The following OSBPL10 variants were observed in gnomAD, a reference collection of about 807,000 sequenced individuals.
The protein encoded by OSBPL10 is oxysterol binding protein like 10.
A neutral mutation model predicts 81.7 loss-of-function variants in OSBPL10; 49 were observed. That is an observed-to-expected ratio of 0.60 (90% CI 0.48 to 0.76). The LOEUF (loss-of-function observed/expected upper bound fraction) is 0.76, where lower values mean the gene tolerates loss of function less well. OSBPL10 is among the 30% of genes least tolerant of loss of function. The probability of loss-of-function intolerance (pLI) is 0.00; values close to 1 mark genes in which losing one functional copy is unlikely to be tolerated. For missense variants in OSBPL10, 923 were observed against 987.8 expected, an observed-to-expected ratio of 0.93 and a Z score of 0.88; for synonymous variants, 419 against 383.6, an observed-to-expected ratio of 1.09 and a Z score of -1.08.
At chr3:31,989,255 AC>A in intron 2 of OSBPL10, 1 of 1,614,142 alleles carries the variant, frequency 6.2e-7, no homozygotes, top group Non-Finnish European at 8.5e-7. Context: ...AACTACAGGA[AC>A]CTGCATTCTG....
At chr3:32,043,617 GGGATCCCT>G (rs1420112652) in intron 2 of OSBPL10, among the ~76,000 whole-genome samples, 2 of 152,134 alleles carry the variant, frequency 1.3e-5, no homozygotes, top group Non-Finnish European at 2.9e-5. Context: ...CCCTCCGTTT[GGGATCCCT>G]GACTTCTCAC....
At chr3:31,817,381 C>A (rs1281747032) in intron 4 of OSBPL10, among the ~76,000 whole-genome samples, 1 of 152,188 alleles carries the variant, frequency 6.6e-6, no homozygotes, top group Admixed American at 6.5e-5. Context: ...CATCCTCAAG[C>A]CAGTAAGGGT....
intron 1 of OSBPL10, among the ~76,000 whole-genome samples, chr3:31,932,441 A>C (rs1697275027): frequency 6.6e-6 from 1 of 150,846 alleles, no homozygotes; most frequent in South Asian, 2.1e-4. Flanking sequence ...CAATATAATA[A>C]ATAAATAAAT....
intron 4 of OSBPL10, among the ~76,000 whole-genome samples, chr3:31,791,461 T>C (rs1699008085): frequency 6.6e-6 from 1 of 152,188 alleles, no homozygotes; most frequent in Admixed American, 6.5e-5. Context: ...GTTCTGACAT[T>C]TTCTGATAGC....
At position 31,662,074 on chromosome 3, in the gene OSBPL10, A is replaced by G; in HGVS notation, c.2293T>C (p.Ter765ArgextTer15). The stretch of plus-strand genomic sequence containing the variant: ...GAAAGCTCTGCACCTCCACCCCATC[A>G]GTGTGCTTTCCAGAGGGGATTGAAG... ...VYFNPLWKAH[*>R] Residue 765 changes from the stop codon to arginine, a stop_lost, in exon 12 of 12, where the codon TGA becomes CGA. Coordinates refer to ENST00000396556, the MANE Select transcript of OSBPL10 (RefSeq NM_017784.5). 1 of 1,614,024 alleles carries G rather than the reference A, an allele frequency of 6.2e-7. No homozygotes were observed. Among genetic ancestry groups the G allele is most frequent in the Non-Finnish European group, 8.5e-7 (1 of 1,179,966 alleles).
At chr3:32,046,725 A>G (rs924491082) in intron 1 of OSBPL10, 1 of 152,248 alleles carries the variant, frequency 6.6e-6, no homozygotes, top group Non-Finnish European at 1.5e-5. Context: ...ACATTAACCA[A>G]GAGGTAGGGC....
intron 4 of OSBPL10, among the ~76,000 whole-genome samples, chr3:31,749,393 C>T (rs1697643550): frequency 6.6e-6 from 1 of 152,230 alleles, no homozygotes; most frequent in Non-Finnish European, 1.5e-5. Context: ...GTGTACACAT[C>T]CATAATCTGG....
chr3:32,058,981 G>A (rs1017245254), intron 1 of OSBPL10, among the ~76,000 whole-genome samples: 5 of 152,174 alleles, frequency 3.3e-5, no homozygotes, highest in African/African-American at 1.2e-4. Context: ...GTGCCACCAT[G>A]CCTGGTTTAC....
chr3:31,926,653 G>A (rs1461802052), intron 1 of OSBPL10, among the ~76,000 whole-genome samples: 1 of 152,194 alleles, frequency 6.6e-6, no homozygotes, highest in Non-Finnish European at 1.5e-5. Flanking sequence ...GCTTGCTGTG[G>A]ACGCCTGAAC....
chr3:31,925,457 G>T (rs1302237127), intron 1 of OSBPL10, among the ~76,000 whole-genome samples: 1 of 151,130 alleles, frequency 6.6e-6, no homozygotes, highest in Non-Finnish European at 1.5e-5. Context: ...CTACCAGAGT[G>T]ACTGTTAAAT....
intron 4 of OSBPL10, among the ~76,000 whole-genome samples, chr3:31,797,057 C>T (rs534246608): frequency 5.6e-4 from 81 of 144,454 alleles, no homozygotes; most frequent in African/African-American, 2.0e-3. Flanking sequence ...TGCAATGGCG[C>T]CATCTTGGCT....
intron 2 of OSBPL10, among the ~76,000 whole-genome samples, chr3:32,025,276 T>C (rs930611290): frequency 1.3e-5 from 2 of 152,230 alleles, no homozygotes; most frequent in South Asian, 2.1e-4. Context: ...TTTATTAATA[T>C]GGTATATCAC....
rs56311731 is a variant in OSBPL10, at chr3:31,762,630, A to ATTTTTTTTTTTTTTTTTTTTT, written c.730-14511_730-14510insAAAAAAAAAAAAAAAAAAAAA. The stretch of plus-strand genomic sequence containing the variant: ...GCCTATGCACAACACCATGCCCAGC[A>ATTTTTTTTTTTTTTTTTTTTT]TTTTTTTTTTTTTTTTTTTGTAGAG... On this transcript the variant is annotated intron_variant, in intron 4 of 11. Transcript: ENST00000396556. 3.4e-3 allele frequency among the ~76,000 whole-genome samples: 208 copies of ATTTTTTTTTTTTTTTTTTTTT among 61,476 alleles called. 48 individuals carry two copies. Among genetic ancestry groups the ATTTTTTTTTTTTTTTTTTTTT allele is most frequent in the Non-Finnish European group, 3.8e-3 (143 of 37,488 alleles). The allele number at this position is 61,476 out of a possible 152,430, so 40.3% of individuals were successfully genotyped here. A position where few individuals can be genotyped will look rare whatever the true frequency, so the allele number is the denominator to read the frequency against.
chr3:31,745,433 A>G (rs931829000), intron 5 of OSBPL10, among the ~76,000 whole-genome samples: 10 of 152,332 alleles, frequency 6.6e-5, no homozygotes, highest in African/African-American at 2.2e-4. Flanking sequence ...GGGGAATTTG[A>G]AGAAGGATAT....
chr3:31,705,909 C>T (rs1022482332), intron 6 of OSBPL10, among the ~76,000 whole-genome samples: 2 of 152,116 alleles, frequency 1.3e-5, no homozygotes, highest in Non-Finnish European at 2.9e-5. Context: ...ATTTATAAGA[C>T]TTAAGCAGAA....
In OSBPL10 at chr3:31,941,695, A is replaced by C. The variant is rs143386567; in HGVS notation, c.281+39204T>G. On this transcript the variant is annotated intron_variant, in intron 1 of 11. Transcript: ENST00000396556. ...CAGCCTCAGCCACCTGCCATCTTTC[A>C]CATCTCAGAGGGGCCCATCTTTCCT... Among the ~76,000 whole-genome samples, 32 of 152,296 alleles carry C rather than the reference A, an allele frequency of 2.1e-4. No individual in the cohort carries two copies. The East Asian group carries it at 4.4e-3, about 21-fold the overall frequency.
At chr3:31,748,843 GAACT>G (rs1175850819) in intron 4 of OSBPL10, among the ~76,000 whole-genome samples, 2 of 152,136 alleles carry the variant, frequency 1.3e-5, no homozygotes, top group South Asian at 2.1e-4. Flanking sequence ...TGATGTCTTT[GAACT>G]AACAAATCAA....
intron 1 of OSBPL10, among the ~76,000 whole-genome samples, chr3:31,902,258 A>ATT (rs574112153): frequency 0.19 from 22,003 of 117,570 alleles, 2,227 homozygotes; most frequent in Non-Finnish European, 0.24. Context: ...TCTTGTCAGT[A>ATT]TTTTTTTTTT....
rs377692859 is a variant in OSBPL10 at position 31,956,095 on chromosome 3, T to C, written c.281+24804A>G. Among the ~76,000 whole-genome samples the C allele has an allele frequency of 5.1e-4, 77 of 152,314 alleles. 2 individuals carry two copies. The South Asian group carries it at 0.015, about 29-fold the overall frequency. Reference sequence around the variant, plus strand: ...TTCTCCCAGAAACACTGCAAAACCCTCTAATAAATCCCTGGCTACTTAGAC... The same window carrying C: ...TTCTCCCAGAAACACTGCAAAACCCCCTAATAAATCCCTGGCTACTTAGAC... On this transcript the variant is annotated intron_variant, in intron 1 of 11. Coordinates refer to ENST00000396556, the MANE Select transcript of OSBPL10 (RefSeq NM_017784.5).
Sources: allele counts gnomAD v4.1 joint callset (sites outside exome capture counted in the v4.1 genomes callset), GRCh38; gene constraint gnomAD v4.1.1; transcripts MANE v1.5; gene names NCBI Gene and HGNC (gene_info 2026-07-23, HGNC 2026-07-21).